FMNL2: variants seen among roughly 807,000 people sequenced by gnomAD.
FMNL2 encodes formin like 2, also known as formin-like protein 2.
Under a neutral mutation model 130.2 loss-of-function variants are expected in FMNL2, and 51 were observed. That is an observed-to-expected ratio of 0.39 (90% CI 0.31 to 0.49). The LOEUF is 0.49. Ranked by LOEUF, FMNL2 falls within the 20% of genes least tolerant of loss-of-function variation. FMNL2 has a pLI of 0.85. For synonymous variants in FMNL2, 465 were observed against 467.1 expected (o/e 1.00, Z 0.06); for missense variants, 977 against 1,316.2 (o/e 0.74, Z 3.99).
At chr2:152,429,215 CAAAAAAAA>C (rs3047928) in intron 1 of FMNL2, among the ~76,000 whole-genome samples, 5 of 95,788 alleles carry the variant, frequency 5.2e-5, no homozygotes, top group African/African-American at 1.6e-4. Flanking sequence ...CTTAGAGGAA[CAAAAAAAA>C]AAAAAAAAAA....
chr2:152,590,553 G>T (rs1697372950), intron 9 of FMNL2, among the ~76,000 whole-genome samples: 1 of 152,044 alleles, frequency 6.6e-6, no homozygotes, highest in Non-Finnish European at 1.5e-5. Context: ...GGCAGAGGTT[G>T]CAGTGAGTCG....
chr2:152,571,769 T>C (rs928667608), intron 6 of FMNL2, among the ~76,000 whole-genome samples: 1 of 152,192 alleles, frequency 6.6e-6, no homozygotes, highest in Non-Finnish European at 1.5e-5. Flanking sequence ...TCAAAGATAG[T>C]ATATTGAATT....
chr2:152,533,607 A>G (rs1055148742), intron 2 of FMNL2, among the ~76,000 whole-genome samples: 3 of 141,370 alleles, frequency 2.1e-5, no homozygotes, highest in Non-Finnish European at 4.6e-5. Context: ...TTGCATTTTA[A>G]TATAAATTTT....
At chr2:152,573,897 A>G (rs1164506462) in intron 6 of FMNL2, among the ~76,000 whole-genome samples, 1 of 152,216 alleles carries the variant, frequency 6.6e-6, no homozygotes, top group Non-Finnish European at 1.5e-5. Context: ...GTCATATTAA[A>G]TGTATTTTAA....
At chr2:152,390,053 C>T (rs1685016697) in intron 1 of FMNL2, 1 of 1,579,826 alleles carries the variant, frequency 6.3e-7, no homozygotes. Context: ...TCAAGAACGG[C>T]AGCCTTGACT....
At chr2:152,459,613 T>C (rs572272909) in intron 1 of FMNL2, among the ~76,000 whole-genome samples, 2 of 152,342 alleles carry the variant, frequency 1.3e-5, no homozygotes, top group South Asian at 2.1e-4. Flanking sequence ...TCTGTTTTCA[T>C]TGAGAGAAGA....
chr2:152,344,262 C>G (rs948684359), intron 1 of FMNL2, among the ~76,000 whole-genome samples: 1 of 152,134 alleles, frequency 6.6e-6, no homozygotes, highest in Non-Finnish European at 1.5e-5. Flanking sequence ...TTTAAAAGCT[C>G]CCTAGAAGGT....
intron 1 of FMNL2, among the ~76,000 whole-genome samples, chr2:152,357,778 C>T (rs1370258819): frequency 6.6e-6 from 1 of 152,202 alleles, no homozygotes; most frequent in Non-Finnish European, 1.5e-5. Flanking sequence ...CAACCAGAGG[C>T]TCTGGGGAGC....
intron 23 of FMNL2, among the ~76,000 whole-genome samples, chr2:152,639,110 C>T (rs1319944843): frequency 2.0e-5 from 3 of 152,122 alleles, no homozygotes; most frequent in Admixed American, 6.5e-5. Context: ...ATGTGACTGC[C>T]AGGATGTTTT....
At chr2:152,451,599 T>G (rs541194661) in intron 1 of FMNL2, among the ~76,000 whole-genome samples, 1 of 152,268 alleles carries the variant, frequency 6.6e-6, no homozygotes, top group East Asian at 1.9e-4. Context: ...ATGAGGAGAC[T>G]GAGGCACAGA....
intron 1 of FMNL2, among the ~76,000 whole-genome samples, chr2:152,380,532 T>C (rs1314518403): frequency 6.6e-6 from 1 of 152,228 alleles, no homozygotes; most frequent in Non-Finnish European, 1.5e-5. Flanking sequence ...AAGGAGTTGC[T>C]CATTGTTCTC....
In FMNL2 at chr2:152,644,428, T is replaced by C. The variant is rs1222504943; in HGVS notation, c.3170-3368T>C. ...TGCACAGCTGCAAATCAGGCCTTTC[T>C]TAACTCTCTTATACGTCCATAGCAT... On this transcript the variant is annotated intron_variant, in intron 25 of 25. Coordinates refer to ENST00000288670, the MANE Select transcript of FMNL2 (RefSeq NM_052905.4). 2.0e-5 allele frequency among the ~76,000 whole-genome samples: 3 copies of C among 152,228 alleles called. No homozygotes were observed. In the East Asian group the frequency reaches 5.8e-4, roughly 29 times the overall value.
chr2:152,606,718 T>C (rs1187336805), intron 9 of FMNL2, among the ~76,000 whole-genome samples: 2 of 151,722 alleles, frequency 1.3e-5, no homozygotes, highest in Non-Finnish European at 2.9e-5. Flanking sequence ...CAGTATTTTA[T>C]GTTTGTTTCA....
intron 15 of FMNL2, among the ~76,000 whole-genome samples, chr2:152,620,100 G>C (rs902809029): frequency 1.8e-4 from 28 of 151,996 alleles, no homozygotes; most frequent in Admixed American, 1.4e-3. Flanking sequence ...CACAGACATT[G>C]AGTGCTTCTG....
chr2:152,399,586 T>C (rs868052515), intron 1 of FMNL2, among the ~76,000 whole-genome samples: 1 of 152,132 alleles, frequency 6.6e-6, no homozygotes, highest in Admixed American at 6.5e-5. Context: ...CAGTTTTTTT[T>C]CTGGGGTTGG....
At chr2:152,357,078 CACG>C (rs1560293588) in intron 1 of FMNL2, among the ~76,000 whole-genome samples, 6 of 100,514 alleles carry the variant, frequency 6.0e-5, no homozygotes, top group African/African-American at 2.7e-4. Flanking sequence ...TTTAATATAT[CACG>C]ATAAATATTA....
At chr2:152,364,105 C>A (rs7565316) in intron 1 of FMNL2, among the ~76,000 whole-genome samples, 77,960 of 151,786 alleles carry the variant, frequency 0.51, 24,044 homozygotes, top group Non-Finnish European at 0.72. Flanking sequence ...GACACTTCTT[C>A]TCTTAGATAT....
intron 7 of FMNL2, among the ~76,000 whole-genome samples, chr2:152,578,000 A>G (rs1048154469): frequency 4.6e-5 from 7 of 152,132 alleles, no homozygotes; most frequent in Admixed American, 1.3e-4. Flanking sequence ...AGAGGGAAAA[A>G]TAAGGGGGAA....
intron 3 of FMNL2, among the ~76,000 whole-genome samples, chr2:152,544,567 C>T (rs985832267): frequency 6.6e-6 from 1 of 152,120 alleles, no homozygotes; most frequent in Non-Finnish European, 1.5e-5. Context: ...AACTTGTAAC[C>T]TTCAGGCTAG....
Sources: allele counts gnomAD v4.1 joint callset (sites outside exome capture counted in the v4.1 genomes callset), GRCh38; gene constraint gnomAD v4.1.1; transcripts MANE v1.5; gene names NCBI Gene and HGNC (gene_info 2026-07-23, HGNC 2026-07-21).